Variants in IL1RAP observed in about 807,000 individuals in gnomAD.
The protein encoded by IL1RAP is interleukin-1 receptor accessory protein.
Under a neutral mutation model 60.7 loss-of-function variants are expected in IL1RAP, and 35 were observed. The ratio of observed to expected loss-of-function variants is 0.58; its 90% CI spans 0.44 to 0.76. The LOEUF (loss-of-function observed/expected upper bound fraction) is 0.76. Among genes scored for constraint, IL1RAP ranks in the 30% least tolerant of loss-of-function variants. The pLI is 0.00. For missense variants in IL1RAP, 572 were observed against 693.9 expected (o/e 0.82, Z 1.97); for synonymous variants, 268 against 250.9 (o/e 1.07, Z -0.64).
intron 8 of IL1RAP, 33 bp downstream of exon 8, chr3:190,627,482 C>T: frequency 6.3e-7 from 1 of 1,592,476 alleles, no homozygotes; most frequent in Non-Finnish European, 8.5e-7. Context: ...AGTGATTAAC[C>T]TTTGTTTCTC....
At chr3:190,532,261 CTTTT>C (rs370264409) in intron 1 of IL1RAP, among the ~76,000 whole-genome samples, 4 of 128,280 alleles carry the variant, frequency 3.1e-5, no homozygotes, top group African/African-American at 3.0e-5. Flanking sequence ...AATCATCTTT[CTTTT>C]TTTTTTTTTT....
chr3:190,659,524 TAAGA>T (rs1386973438), exon 12 of IL1RAP: 1 of 152,174 alleles, frequency 6.6e-6, no homozygotes, highest in Non-Finnish European at 1.5e-5. Flanking sequence ...CAAATTATAA[TAAGA>T]AAGAAATTTT....
intron 5 of IL1RAP, among the ~76,000 whole-genome samples, chr3:190,610,727 A>G (rs1730749661): frequency 6.6e-6 from 1 of 152,162 alleles, no homozygotes; most frequent in Non-Finnish European, 1.5e-5. Context: ...CGAGAGAAAT[A>G]AAAAATTCCA....
At chr3:190,608,591 G>C (rs1730553578) in intron 4 of IL1RAP, among the ~76,000 whole-genome samples, 1 of 152,062 alleles carries the variant, frequency 6.6e-6, no homozygotes, top group South Asian at 2.1e-4. Context: ...TGAATAATAT[G>C]TTGCCCTATG....
intron 3 of IL1RAP, among the ~76,000 whole-genome samples, chr3:190,573,767 G>A (rs1319699310): frequency 6.6e-6 from 1 of 152,044 alleles, no homozygotes; most frequent in Non-Finnish European, 1.5e-5. Context: ...AGCTAAACAT[G>A]GCTTTAAATC....
chr3:190,610,655 C>T (rs1333770878), intron 5 of IL1RAP, among the ~76,000 whole-genome samples: 1 of 151,968 alleles, frequency 6.6e-6, no homozygotes, highest in Non-Finnish European at 1.5e-5. Flanking sequence ...ATAAAAATAA[C>T]AAAAGCTTGT....
intron 2 of IL1RAP, among the ~76,000 whole-genome samples, chr3:190,560,402 G>A (rs1475720211): frequency 1.3e-5 from 2 of 152,186 alleles, no homozygotes; most frequent in Non-Finnish European, 2.9e-5. Flanking sequence ...GTCAACCATG[G>A]CAGAATGAAG....
intron 1 of IL1RAP, among the ~76,000 whole-genome samples, chr3:190,530,789 A>G (rs751470099): frequency 1.3e-5 from 2 of 152,256 alleles, no homozygotes; most frequent in Non-Finnish European, 2.9e-5. Context: ...TGGTAACAAC[A>G]GTATTCTCTT....
chr3:190,595,165 C>T (rs563022637), intron 3 of IL1RAP, among the ~76,000 whole-genome samples: 3 of 152,260 alleles, frequency 2.0e-5, no homozygotes, highest in South Asian at 2.1e-4. Flanking sequence ...AGGTGAGCTC[C>T]GTGAGACCTT....
At chr3:190,570,397 A>T (rs568089610) in intron 3 of IL1RAP, among the ~76,000 whole-genome samples, 1 of 152,346 alleles carries the variant, frequency 6.6e-6, no homozygotes, top group African/African-American at 2.4e-5. Context: ...GTTTTATGAC[A>T]TTCATTTCTC....
At chr3:190,629,564 A>C (rs758948979) in intron 9 of IL1RAP, 66 bp downstream of exon 9, 1 of 1,535,564 alleles carries the variant, frequency 6.5e-7, no homozygotes, top group South Asian at 1.3e-5. Flanking sequence ...TAAGGACAAA[A>C]GGAGAGATTG....
rs933453404 is a variant in IL1RAP, at chr3:190,523,692, A to G, written c.-89+9473A>G. On this transcript the variant is annotated intron_variant, in intron 1 of 11. Coordinates refer to ENST00000447382, the MANE Select transcript of IL1RAP (RefSeq NM_002182.4). ...CTCTATCCATGTTTCGGTAAAGGAC[A>G]TAATCTCATTCCTTTTTATGGCTGC... 6.6e-5 allele frequency among the ~76,000 whole-genome samples: 10 copies of G among 152,304 alleles called. No homozygotes were observed. In the East Asian group the frequency reaches 1.9e-3, roughly 29 times the overall value.
chr3:190,618,771 T>C (rs1378290315), intron 5 of IL1RAP, among the ~76,000 whole-genome samples: 1 of 152,218 alleles, frequency 6.6e-6, no homozygotes, highest in Non-Finnish European at 1.5e-5. Flanking sequence ...ACCTGACAAG[T>C]GTCTACAAGT....
intron 3 of IL1RAP, among the ~76,000 whole-genome samples, chr3:190,594,552 T>G (rs1350172252): frequency 6.6e-6 from 1 of 152,210 alleles, no homozygotes; most frequent in Non-Finnish European, 1.5e-5. Context: ...GGATCTACCA[T>G]ATGACAAATT....
intron 7 of IL1RAP, among the ~76,000 whole-genome samples, chr3:190,626,060 T>C (rs1577765667): frequency 2.0e-5 from 3 of 152,252 alleles, no homozygotes; most frequent in Admixed American, 2.0e-4. Context: ...CCAGGACACT[T>C]TCTGTGAGTA....
At position 190,520,670 on chromosome 3, in the gene IL1RAP, C is replaced by T. The variant is rs146980970; in HGVS notation, c.-89+6451C>T. ...ATTTCTAAAAGCATTGAAGAATTTA[C>T]ATCACTTCAACTATTATTTTCTGTT... On this transcript the variant is annotated intron_variant, in intron 1 of 11. Transcript: ENST00000447382. 4 of 152,272 alleles carry T rather than the reference C, an allele frequency of 2.6e-5. No homozygotes were observed. The East Asian group carries it at 7.7e-4, about 29-fold the overall frequency. The allele number at this position is 152,272 out of a possible 1,614,324, so 9.4% of individuals were successfully genotyped here.
chr3:190,518,324 T>C (rs9851214), intron 1 of IL1RAP, among the ~76,000 whole-genome samples: 44,422 of 152,024 alleles, frequency 0.29, 6,731 homozygotes, highest in Middle Eastern at 0.41. Flanking sequence ...ATCTTATTCA[T>C]AGAAAACATT....
rs1369036122 is a variant in IL1RAP at position 190,609,046 on chromosome 3, A to G, written c.402A>G (p.Lys134=). 2 of 1,613,432 alleles carry G rather than the reference A, an allele frequency of 1.2e-6. No individual in the cohort carries two copies. The highest frequency in any genetic ancestry group is 1.3e-5 in the African/African-American group (1 of 74,892). The change falls in exon 5 of 12, where the codon AAA becomes AAG. Residue 134 remains lysine (K), a synonymous_variant. Transcript: ENST00000447382. ...CATTTCCCTTGGAAGTTGTTCAAAA[A>G]GACAGCTGTTTCAATTCCCCCATGA... The part of the protein sequence containing the change: ...KVAFPLEVVQ[K]DSCFNSPMKL...
chr3:190,628,151 G>C (rs917302493), intron 8 of IL1RAP, among the ~76,000 whole-genome samples: 3 of 152,148 alleles, frequency 2.0e-5, no homozygotes, highest in African/African-American at 7.2e-5. Flanking sequence ...AAAGTGGAAA[G>C]TGTGCGTCCT....
Sources: allele counts gnomAD v4.1 joint callset (sites outside exome capture counted in the v4.1 genomes callset), GRCh38; gene constraint gnomAD v4.1.1; transcripts MANE v1.5; gene names NCBI Gene and HGNC (gene_info 2026-07-23, HGNC 2026-07-21).